Variants in AFF3 observed in about 807,000 individuals in gnomAD.
AFF3 encodes the protein AF4/FMR2 family member 3.
Under a neutral mutation model 129.7 loss-of-function variants are expected in AFF3, and 32 were observed. The ratio of observed to expected loss-of-function variants is 0.25; its 90% confidence interval spans 0.19 to 0.33. AFF3 has a LOEUF of 0.33. Ranked by LOEUF, AFF3 falls within the 10% of genes least tolerant of loss-of-function variation. The pLI, the probability that AFF3 is intolerant of heterozygous loss-of-function variation, is 1.00. For synonymous variants in AFF3, 644 were observed against 635.4 expected, an observed-to-expected ratio of 1.01 and a Z score of -0.20; for missense variants, 1,373 against 1,592.0, an observed-to-expected ratio of 0.86 and a Z score of 2.34.
At chr2:99,803,265 G>A (rs191114157) in intron 8 of AFF3, among the ~76,000 whole-genome samples, 85 of 152,138 alleles carry the variant, frequency 5.6e-4, no homozygotes, top group Non-Finnish European at 1.9e-4. Context: ...TGTGTATGAC[G>A]AACCATCCCT....
At chr2:99,754,308 C>T (rs976920320) in intron 8 of AFF3, among the ~76,000 whole-genome samples, 6 of 152,198 alleles carry the variant, frequency 3.9e-5, no homozygotes, top group Non-Finnish European at 7.3e-5. Context: ...CATCCCACTG[C>T]TAATCAGCCA....
chr2:100,095,536 A>T (rs1486956133), intron 4 of AFF3, among the ~76,000 whole-genome samples: 2 of 152,178 alleles, frequency 1.3e-5, no homozygotes, highest in African/African-American at 2.4e-5. Flanking sequence ...GCAAGATTTA[A>T]ATTTGCCCTA....
At chr2:100,140,183 A>T (rs1177790277) in intron 1 of AFF3, among the ~76,000 whole-genome samples, 1 of 152,252 alleles carries the variant, frequency 6.6e-6, no homozygotes, top group East Asian at 1.9e-4. Context: ...AGGACAGGAC[A>T]TTACACCCAC....
intron 13 of AFF3, among the ~76,000 whole-genome samples, chr2:99,618,560 T>C (rs1232307460): frequency 6.6e-6 from 1 of 152,188 alleles, no homozygotes; most frequent in East Asian, 1.9e-4. Flanking sequence ...ACATAGTGCC[T>C]AGCACATAGC....
intron 4 of AFF3, among the ~76,000 whole-genome samples, chr2:100,059,667 G>A (rs768702793): frequency 6.6e-6 from 1 of 152,166 alleles, no homozygotes; most frequent in African/African-American, 2.4e-5. Flanking sequence ...AAAGAAAATG[G>A]TATGTCCTCA....
intron 8 of AFF3, among the ~76,000 whole-genome samples, chr2:99,816,375 A>T (rs773978817): frequency 1.1e-4 from 16 of 152,122 alleles, no homozygotes; most frequent in Non-Finnish European, 2.4e-4. Flanking sequence ...ATCCCTTCAG[A>T]CTGTTATTTC....
intron 7 of AFF3, among the ~76,000 whole-genome samples, chr2:99,898,190 T>C (rs1252469870): frequency 6.6e-6 from 1 of 152,242 alleles, no homozygotes; most frequent in Non-Finnish European, 1.5e-5. Flanking sequence ...ATTCCCTTCA[T>C]TTCTGCTTTA....
At chr2:99,587,073 G>A in intron 16 of AFF3, 81 bp downstream of exon 16, 1 of 1,579,420 alleles carries the variant, frequency 6.3e-7, no homozygotes, top group Non-Finnish European at 8.6e-7. Flanking sequence ...CAAAAAGCCT[G>A]ACCCTCCTCC....
intron 7 of AFF3, among the ~76,000 whole-genome samples, chr2:99,909,173 C>T (rs1340149692): frequency 6.6e-6 from 1 of 151,948 alleles, no homozygotes; most frequent in Non-Finnish European, 1.5e-5. Flanking sequence ...ATGATGAGTT[C>T]ATGTCCTTTG....
intron 19 of AFF3, among the ~76,000 whole-genome samples, chr2:99,566,567 A>G (rs374649362): frequency 1.3e-5 from 2 of 152,064 alleles, no homozygotes; most frequent in East Asian, 3.9e-4. Context: ...AACAAAACAC[A>G]TTTCTACGGG....
rs190099336 is a variant in AFF3, at chr2:99,593,623, C to T, written c.2038G>A (p.Asp680Asn). Residue 680 changes from aspartate to asparagine, a missense_variant, in exon 15 of 25, where the codon GAC becomes AAC. Asp to Asn is a conservative substitution (Grantham distance 23). This residue lies in a region of AFF3 where 466 missense variants were observed against 505.0 expected (regional missense o/e 0.92). Transcript: ENST00000672756. ...SSSSSSSSDSDLESEQEEYPL... is the reference protein window; with the variant it reads ...SSSSSSSSDSNLESEQEEYPL... The stretch of plus-strand genomic sequence containing the variant: ...TACTCCTCCTGCTCGGACTCCAGGT[C>T]GGAGTCCGAGGAGGAGGATGAAGAT... The T allele has an allele frequency of 1.6e-5, 26 of 1,610,834 alleles. No individual in the cohort carries two copies. The highest frequency in any genetic ancestry group is 1.2e-4 in the South Asian group (11 of 90,986).
At chr2:99,985,409 T>C (rs1002806720) in intron 7 of AFF3, among the ~76,000 whole-genome samples, 5 of 152,236 alleles carry the variant, frequency 3.3e-5, no homozygotes, top group Non-Finnish European at 1.5e-5. Flanking sequence ...AATTTATTGC[T>C]GCCTCATTTA....
chr2:99,688,846 A>G (rs1675330098), intron 11 of AFF3, among the ~76,000 whole-genome samples: 1 of 152,094 alleles, frequency 6.6e-6, no homozygotes, highest in African/African-American at 2.4e-5. Flanking sequence ...GGGCATCTTC[A>G]GCATCTAGGA....
chr2:99,772,542 T>C (rs1683577243), intron 8 of AFF3, among the ~76,000 whole-genome samples: 1 of 152,196 alleles, frequency 6.6e-6, no homozygotes, highest in South Asian at 2.1e-4. Context: ...GATCTTAATG[T>C]TTTCAGACTT....
chr2:99,622,724 C>T (rs1682145408), intron 13 of AFF3, among the ~76,000 whole-genome samples: 1 of 152,226 alleles, frequency 6.6e-6, no homozygotes, highest in African/African-American at 2.4e-5. Flanking sequence ...CCAGCAGGTT[C>T]TGAATGACCT....
intron 4 of AFF3, among the ~76,000 whole-genome samples, chr2:100,044,281 C>T (rs1377538218): frequency 2.0e-5 from 3 of 152,182 alleles, no homozygotes; most frequent in Admixed American, 6.5e-5. Context: ...CAGCTCACCC[C>T]GTGTATTCAT....
chr2:99,832,609 A>C (rs908241107), intron 8 of AFF3, among the ~76,000 whole-genome samples: 1 of 152,248 alleles, frequency 6.6e-6, no homozygotes, highest in African/African-American at 2.4e-5. Flanking sequence ...ATTTATGAAC[A>C]ATTAATCTCA....
chr2:99,632,602 A>C (rs1683230679), intron 13 of AFF3, among the ~76,000 whole-genome samples: 1 of 152,136 alleles, frequency 6.6e-6, no homozygotes, highest in Non-Finnish European at 1.5e-5. Flanking sequence ...TGGAGAGCAG[A>C]ATAGCCTTCT....
chr2:99,938,433 G>A lies in AFF3; in HGVS notation c.873+68199C>T, dbSNP rs186807603. Reference sequence around the variant, plus strand: ...TCAAAATAGTACATGACACACAGTCGATGATGATGATGATGATGATGATGA... The same window carrying A: ...TCAAAATAGTACATGACACACAGTCAATGATGATGATGATGATGATGATGA... On this transcript the variant is annotated intron_variant, in intron 7 of 24. Transcript: ENST00000672756. Among the ~76,000 whole-genome samples, 288 of 115,626 alleles carry A rather than the reference G, an allele frequency of 2.5e-3. 1 individual carries two copies. Among genetic ancestry groups the A allele is most frequent in the Non-Finnish European group, 4.0e-3 (203 of 51,064 alleles). The allele number at this position is 115,626 out of a possible 152,430, so 75.9% of individuals were successfully genotyped here.
Sources: gnomAD v4.1 joint callset for allele counts (sites outside exome capture counted in the v4.1 genomes callset) on GRCh38, gnomAD v4.1.1 for gene constraint, gnomAD v4.1.1 regional missense constraint, MANE v1.5 for transcripts, NCBI Gene and HGNC (gene_info 2026-07-23, HGNC 2026-07-21) for gene names.